The following KLHL32 variants were observed in gnomAD, a reference collection of about 807,000 sequenced individuals.
The protein encoded by KLHL32 is kelch-like protein 32.
In KLHL32, 35 loss-of-function variants were observed where a neutral mutation model predicts 64.8. The observed-to-expected ratio is 0.54, with a 90% CI of 0.41 to 0.72. KLHL32 has a LOEUF of 0.72. Ranked by LOEUF, KLHL32 falls within the 30% of genes least tolerant of loss-of-function variation. KLHL32 has a pLI of 0.00. For synonymous variants in KLHL32, 259 were observed against 281.0 expected (o/e 0.92, Z 0.78); for missense variants, 589 against 768.5 (o/e 0.77, Z 2.76).
intron 1 of KLHL32, among the ~76,000 whole-genome samples, chr6:96,959,582 AC>A (rs1172953587): frequency 6.6e-6 from 1 of 152,118 alleles, no homozygotes; most frequent in African/African-American, 2.4e-5. Context: ...CCACCCAGTA[AC>A]CTTTTAACTT....
At chr6:96,986,206 T>C (rs1252260217) in intron 3 of KLHL32, among the ~76,000 whole-genome samples, 2 of 152,122 alleles carry the variant, frequency 1.3e-5, no homozygotes, top group Non-Finnish European at 2.9e-5. Flanking sequence ...GAACAGCAGA[T>C]GTTGCTGCCG....
At chr6:97,040,235 T>A (rs2128126253) in intron 3 of KLHL32, among the ~76,000 whole-genome samples, 1 of 152,270 alleles carries the variant, frequency 6.6e-6, no homozygotes, top group South Asian at 2.1e-4. Context: ...TCTCTCATTA[T>A]CAGTAAACAA....
At chr6:96,974,573 A>G (rs896356492) in intron 2 of KLHL32, among the ~76,000 whole-genome samples, 1 of 152,192 alleles carries the variant, frequency 6.6e-6, no homozygotes, top group Non-Finnish European at 1.5e-5. Context: ...GGAACTTCCT[A>G]TATCATCACC....
chr6:97,084,709 G>A (rs1188309353), intron 5 of KLHL32, among the ~76,000 whole-genome samples: 1 of 152,160 alleles, frequency 6.6e-6, no homozygotes, highest in Non-Finnish European at 1.5e-5. Flanking sequence ...AATAGTTTAT[G>A]TCATCTAATC....
intron 5 of KLHL32, among the ~76,000 whole-genome samples, chr6:97,076,506 C>T (rs1439511919): frequency 6.6e-6 from 1 of 152,146 alleles, no homozygotes; most frequent in Non-Finnish European, 1.5e-5. Context: ...CTGAGGCCAT[C>T]CAGATGGGTC....
In KLHL32 at chr6:97,093,795, G is replaced by A. The variant is rs185531672; in HGVS notation, c.627+8454G>A. ...CATCTTTTATTCCTTCAAAGTACAC[G>A]ATGGTGTAGTATAAAGCAGGAAATG... is the stretch of plus-strand genomic sequence containing the variant. On this transcript the variant is annotated intron_variant, in intron 6 of 10. Transcript: ENST00000369261. Among the ~76,000 whole-genome samples the A allele has an allele frequency of 1.7e-4, 26 of 152,258 alleles. No individual in the cohort carries two copies. In the South Asian group the frequency reaches 1.9e-3, roughly 11 times the overall value.
chr6:97,031,330 A>G (rs1783506887), intron 3 of KLHL32, among the ~76,000 whole-genome samples: 3 of 147,468 alleles, frequency 2.0e-5, no homozygotes, highest in Admixed American at 1.3e-4. Context: ...TATAAGCATT[A>G]AGTTTTTAAC....
At chr6:97,107,290 T>TAAA in intron 6 of KLHL32, among the ~76,000 whole-genome samples, 1 of 142,178 alleles carries the variant, frequency 7.0e-6, no homozygotes, top group African/African-American at 3.0e-5. Context: ...AGACTCCATC[T>TAAA]CAAAAAAAAA....
chr6:96,903,687 A>G, the KLHL32 span, among the ~76,000 whole-genome samples: 6 of 152,216 alleles, frequency 3.9e-5, no homozygotes, highest in African/African-American at 1.4e-4. Context: ...CCTGAGCTCC[A>G]GAAATTAAGG....
In KLHL32 at chr6:97,041,511, TG is replaced by T; in HGVS notation, c.226del (p.Val76TrpfsTer13). 6.2e-7 allele frequency: 1 copy of T among 1,613,296 alleles called. No homozygotes were observed. Among genetic ancestry groups the T allele is most frequent in the Non-Finnish European group, 8.5e-7 (1 of 1,179,272 alleles). On this transcript the variant is annotated frameshift_variant, in exon 4 of 11. Coordinates refer to ENST00000369261, the MANE Select transcript of KLHL32 (RefSeq NM_052904.4). LOFTEE classifies it high-confidence loss of function. ...DYFRAMFSLC[M>X]VESGADEVNL... is the part of the protein sequence containing the mutation. ...CCTCAGGCAATGTTCAGTCTTTGTA[TG>T]GTGGAAAGTGGAGCTGATGAGGTTA...
At chr6:97,015,920 A>G (rs2128098783) in intron 3 of KLHL32, among the ~76,000 whole-genome samples, 1 of 152,326 alleles carries the variant, frequency 6.6e-6, no homozygotes, top group East Asian at 1.9e-4. Context: ...AGCTCAGACC[A>G]TTGCTTCAGA....
In KLHL32 at chr6:96,967,020, C is replaced by A; in HGVS notation, c.-41C>A. The A allele has an allele frequency of 3.1e-6, 5 of 1,602,086 alleles. No homozygotes were observed. The highest frequency in any genetic ancestry group is 3.4e-6 in the Non-Finnish European group (4 of 1,169,384). ...GCTGGAATGCTTGCTGATTCCTCTG[C>A]ACACTTCTAAGGCTGAGAACCTGAG... is the stretch of plus-strand genomic sequence containing the variant. On this transcript the variant is annotated 5_prime_UTR_variant, in exon 2 of 11. Transcript: ENST00000369261.
chr6:97,090,658 T>C (rs1363944225), intron 6 of KLHL32, among the ~76,000 whole-genome samples: 3 of 152,258 alleles, frequency 2.0e-5, no homozygotes, highest in Non-Finnish European at 4.4e-5. Context: ...TAAATAGTAC[T>C]AGATGTCAAA....
At chr6:97,090,906 C>A (rs1027504330) in intron 6 of KLHL32, among the ~76,000 whole-genome samples, 1 of 152,204 alleles carries the variant, frequency 6.6e-6, no homozygotes, top group East Asian at 1.9e-4. Flanking sequence ...TCCAATTAAT[C>A]CTATGACTTT....
chr6:96,967,240 G>A (rs7758454), intron 2 of KLHL32, among the ~76,000 whole-genome samples, 157 bp downstream of exon 2: 30,162 of 152,082 alleles, frequency 0.2, 3,227 homozygotes, highest in African/African-American at 0.27. Context: ...GTGGCACAAG[G>A]ACTAACTGCT....
At chr6:97,041,450 G>T (rs763136845) in intron 3 of KLHL32, 42 bp from the exon 4 acceptor site, 3 of 1,375,168 alleles carry the variant, frequency 2.2e-6, no homozygotes, top group Non-Finnish European at 3.1e-6. Flanking sequence ...CTCCCTTGCT[G>T]TCAAAGTCTC....
intron 3 of KLHL32, among the ~76,000 whole-genome samples, chr6:96,993,601 G>T (rs1331455575): frequency 6.6e-6 from 1 of 152,134 alleles, no homozygotes; most frequent in Non-Finnish European, 1.5e-5. Context: ...GGAACATTTT[G>T]TTGCCATTGT....
intron 6 of KLHL32, among the ~76,000 whole-genome samples, chr6:97,106,037 A>G (rs1183727189): frequency 6.6e-6 from 1 of 152,176 alleles, no homozygotes; most frequent in Non-Finnish European, 1.5e-5. Flanking sequence ...CATAGTGTAT[A>G]ATATATATGG....
chr6:96,903,220 C>T, the KLHL32 span, among the ~76,000 whole-genome samples: 1,851 of 151,270 alleles, frequency 0.012, 19 homozygotes, highest in Middle Eastern at 0.038. Context: ...GGAAAGAATA[C>T]GATCATAAAT....
Sources: gnomAD v4.1 joint callset for allele counts (sites outside exome capture counted in the v4.1 genomes callset) on GRCh38, gnomAD v4.1.1 for gene constraint, MANE v1.5 for transcripts, NCBI Gene and HGNC (gene_info 2026-07-23, HGNC 2026-07-21) for gene names.